The following MKRN2OS variants were observed in gnomAD, a reference collection of about 807,000 sequenced individuals.
The protein encoded by MKRN2OS is MKRN2 opposite strand protein.
MKRN2OS carries 17 observed loss-of-function variants against 18.2 expected under a neutral mutation model. The ratio of observed to expected loss-of-function variants is 0.93; its 90% CI spans 0.64 to 1.40. MKRN2OS has a LOEUF of 1.40. MKRN2OS is among the 40% of genes most tolerant of loss of function. The probability of loss-of-function intolerance (pLI) is 0.00; values close to 1 mark genes in which losing one functional copy is unlikely to be tolerated. For missense variants in MKRN2OS, 337 were observed against 283.0 expected, an observed-to-expected ratio of 1.19 and a Z score of -1.37; for synonymous variants, 121 against 108.5, an observed-to-expected ratio of 1.12 and a Z score of -0.72.
At chr3:12,559,724 A>G (rs746496430) in intron 1 of MKRN2OS, among the ~76,000 whole-genome samples, 1 of 152,122 alleles carries the variant, frequency 6.6e-6, no homozygotes, top group Non-Finnish European at 1.5e-5. Flanking sequence ...TCTATCCAGA[A>G]TCTCAATCTG....
chr3:12,551,233 C>T (rs939513823), downstream of MKRN2OS, among the ~76,000 whole-genome samples: 1 of 151,734 alleles, frequency 6.6e-6, no homozygotes, highest in African/African-American at 2.4e-5. Context: ...TGGCTCACGC[C>T]TGTAATCCCA....
Position 12,540,078 on chromosome 3 carries a change from C to G in MKRN2OS, c.*115G>C. The G allele has an allele frequency of 7.0e-7, 1 of 1,421,312 alleles. No individual in the cohort carries two copies. The highest frequency in any genetic ancestry group is 1.3e-5 in the South Asian group (1 of 74,320). The allele number at this position is 1,421,312 out of a possible 1,614,324, so 88.0% of individuals were successfully genotyped here. ...GGGATTACAGGTGTGAGCCACCATG[C>G]CCGGCCCATACACGCTTTTATTAAC... On this transcript the variant is annotated 3_prime_UTR_variant, in exon 4 of 4. Transcript: ENST00000564146.
At chr3:12,541,793 C>A in intron 3 of MKRN2OS, 67 bp downstream of exon 3, 1 of 1,470,890 alleles carries the variant, frequency 6.8e-7, no homozygotes, top group South Asian at 1.3e-5. Context: ...TGAGCTGAGG[C>A]TACACGGGGA....
rs758471886 is a variant in MKRN2OS at position 12,541,943 on chromosome 3, C to A, written c.348G>T (p.Leu116=). 5.0e-5 allele frequency: 77 copies of A among 1,535,954 alleles called. No homozygotes were observed. Among genetic ancestry groups the A allele is most frequent in the Non-Finnish European group, 6.4e-5 (73 of 1,146,884 alleles). ...GWEESISIPL[L]QPNMYGMMEQ... ...CCATCATTCCATACATGTTGGGCTG[C>A]AGTAATGGGATGCTTATGCTCTCTT... The change falls in exon 3 of 4, where the codon CTG becomes CTT. Residue 116 remains leucine, a synonymous_variant. Transcript: ENST00000564146.
At chr3:12,552,955 G>T (rs1575509912), downstream of MKRN2OS, among the ~76,000 whole-genome samples, 1 of 146,810 alleles carries the variant, frequency 6.8e-6, no homozygotes, top group African/African-American at 2.6e-5. Flanking sequence ...GGTGGAGGTT[G>T]CAGTGAGCCA....
chr3:12,550,035 G>C (rs556078611), upstream of MKRN2OS, among the ~76,000 whole-genome samples: 13 of 152,306 alleles, frequency 8.5e-5, no homozygotes, highest in African/African-American at 2.9e-4. Flanking sequence ...TAGTCTGCCA[G>C]TTTATTACAA....
In MKRN2OS at chr3:12,541,917, T is replaced by A; in HGVS notation, c.374A>T (p.Glu125Val). Residue 125 changes from glutamate to valine, a missense_variant, in exon 3 of 4, where the codon GAG becomes GTG. Coordinates refer to ENST00000564146, the MANE Select transcript of MKRN2OS (RefSeq NM_001195279.2). ...GTCTTCCAGGTACTTGTCCCATTGC[T>A]CCATCATTCCATACATGTTGGGCTG... is the stretch of plus-strand genomic sequence containing the variant. ...LLQPNMYGMMEQWDKYLEDFS... is the reference protein window; with the variant it reads ...LLQPNMYGMMVQWDKYLEDFS... 1 of 1,536,020 alleles carries A rather than the reference T, an allele frequency of 6.5e-7. No individual in the cohort carries two copies. Among genetic ancestry groups the A allele is most frequent in the Non-Finnish European group, 8.7e-7 (1 of 1,146,878 alleles).
upstream of MKRN2OS, among the ~76,000 whole-genome samples, chr3:12,549,052 A>G (rs1292539537): frequency 6.6e-6 from 1 of 152,260 alleles, no homozygotes; most frequent in East Asian, 1.9e-4. Flanking sequence ...CCTTTGCCTC[A>G]GCCTCCCAAG....
Position 12,540,179 on chromosome 3 carries a change from C to T in MKRN2OS, c.*14G>A, listed in dbSNP as rs1487252805. The T allele has an allele frequency of 4.6e-6, 7 of 1,535,974 alleles. No individual in the cohort carries two copies. The highest frequency in any genetic ancestry group is 1.4e-5 in the African/African-American group (1 of 73,040). On this transcript the variant is annotated 3_prime_UTR_variant, in exon 4 of 4. Coordinates refer to ENST00000564146, the MANE Select transcript of MKRN2OS (RefSeq NM_001195279.2). ...ACCCTACCCTCCAGCGTCCAGGCTG[C>T]GCTTACATAGCTCTCAGCACAAACC...
intron 1 of MKRN2OS, among the ~76,000 whole-genome samples, chr3:12,558,843 G>A (rs2058008273): frequency 6.6e-6 from 1 of 152,076 alleles, no homozygotes; most frequent in Non-Finnish European, 1.5e-5. Flanking sequence ...TGTTTGTTGG[G>A]GACTTACAAT....
chr3:12,540,237 G>T lies in MKRN2OS; in HGVS notation c.628C>A (p.Pro210Thr). 1 of 1,536,166 alleles carries T rather than the reference G, an allele frequency of 6.5e-7. No homozygotes were observed. The highest frequency in any genetic ancestry group is 8.7e-7 in the Non-Finnish European group (1 of 1,146,920). ...TCAGGGGGTTGTGCCTGCTGCTGGGGACAGTCAGTGACGTAGAAGCCATGC... is the reference window on the plus strand; with the variant it reads ...TCAGGGGGTTGTGCCTGCTGCTGGGTACAGTCAGTGACGTAGAAGCCATGC... ...REHGFYVTDC[P>T]QQQAQPPEGG... The change falls in exon 4 of 4, where the codon CCC becomes ACC. Residue 210 changes from proline (P) to threonine (T), a missense_variant. Pro to Thr is a conservative substitution (Grantham distance 38, BLOSUM62 -1). Coordinates refer to ENST00000564146, the MANE Select transcript of MKRN2OS (RefSeq NM_001195279.2).
chr3:12,542,515 A>G (rs537481480), intron 2 of MKRN2OS, among the ~76,000 whole-genome samples: 2 of 152,066 alleles, frequency 1.3e-5, no homozygotes, highest in South Asian at 4.2e-4. Flanking sequence ...CGGGTAAGGA[A>G]AGGCTGTTAT....
upstream of MKRN2OS, among the ~76,000 whole-genome samples, chr3:12,546,843 G>A (rs2057889371): frequency 1.3e-5 from 2 of 152,174 alleles, no homozygotes; most frequent in South Asian, 4.1e-4. Flanking sequence ...CTCCCAAAGT[G>A]CTGGGATTAC....
intron 1 of MKRN2OS, among the ~76,000 whole-genome samples, chr3:12,560,478 T>TAAAAA (rs10651248): frequency 3.2e-5 from 4 of 124,964 alleles, no homozygotes; most frequent in Non-Finnish European, 5.1e-5. Flanking sequence ...TAGGAAAATG[T>TAAAAA]AAAAAAAAAA....
At chr3:12,548,273 C>G (rs938381919), upstream of MKRN2OS, among the ~76,000 whole-genome samples, 1 of 152,072 alleles carries the variant, frequency 6.6e-6, no homozygotes, top group African/African-American at 2.4e-5. Flanking sequence ...ACGGTGAAAC[C>G]TCGTCTGTAC....
chr3:12,548,303 C>T (rs748530681), upstream of MKRN2OS, among the ~76,000 whole-genome samples: 4 of 152,042 alleles, frequency 2.6e-5, no homozygotes, highest in Non-Finnish European at 5.9e-5. Flanking sequence ...AAAAAATTAG[C>T]CGGGCACGGT....
chr3:12,549,592 C>T (rs1033992153), upstream of MKRN2OS, among the ~76,000 whole-genome samples: 2 of 152,032 alleles, frequency 1.3e-5, no homozygotes, highest in Admixed American at 6.6e-5. Flanking sequence ...CTGTCACCCA[C>T]GTTGGAGTGC....
rs11369647 is a variant in MKRN2OS, at chr3:12,540,877, CAA to C, written c.432-446_432-445del. On this transcript the variant is annotated intron_variant, in intron 3 of 3. Coordinates refer to ENST00000564146, the MANE Select transcript of MKRN2OS (RefSeq NM_001195279.2). ...TGACAGAGTGAGTAAGACTCCATCT[CAA>C]AAAAAAAAAAAAAAAAAAATGCAAT... is the stretch of plus-strand genomic sequence containing the variant. Among the ~76,000 whole-genome samples the C allele has an allele frequency of 1.3e-3, 76 of 59,644 alleles. 1 individual carries two copies. The highest frequency in any genetic ancestry group is 3.2e-3 in the African/African-American group (48 of 14,826). 39.1% of individuals were successfully genotyped at this position (59,644 alleles called of 152,430 possible).
chr3:12,541,364 C>T (rs960606467), intron 3 of MKRN2OS, among the ~76,000 whole-genome samples: 3 of 152,052 alleles, frequency 2.0e-5, no homozygotes, highest in East Asian at 3.9e-4. Flanking sequence ...GGACTACAGA[C>T]GTCCACCACC....
Sources: allele counts gnomAD v4.1 joint callset (sites outside exome capture counted in the v4.1 genomes callset), GRCh38; gene constraint gnomAD v4.1.1; transcripts MANE v1.5; gene names NCBI Gene and HGNC (gene_info 2026-07-23, HGNC 2026-07-21).